Variants in DCAF4 observed in about 807,000 individuals in gnomAD.
The protein encoded by DCAF4 is DDB1 and CUL4 associated factor 4.
DCAF4 carries 37 observed loss-of-function variants against 60.9 expected under a neutral mutation model. That is an observed-to-expected ratio of 0.61 (90% CI 0.47 to 0.80). DCAF4 has a LOEUF of 0.80. Among genes scored for constraint, DCAF4 ranks in the 30% least tolerant of loss-of-function variants. The pLI, the probability that DCAF4 is intolerant of heterozygous loss-of-function variation, is 0.00. For missense variants in DCAF4, 577 were observed against 650.0 expected, an observed-to-expected ratio of 0.89 and a Z score of 1.22; for synonymous variants, 243 against 254.8, an observed-to-expected ratio of 0.95 and a Z score of 0.44.
intron 1 of DCAF4, among the ~76,000 whole-genome samples, chr14:72,930,810 C>G (rs562656445): frequency 1.3e-5 from 2 of 152,184 alleles, no homozygotes; most frequent in African/African-American, 4.8e-5. Context: ...AGTAAGGATC[C>G]AAATTCATTC....
rs541871453 is a variant in DCAF4, at chr14:72,959,049, T to C, written c.*244T>C. On this transcript the variant is annotated 3_prime_UTR_variant, in exon 14 of 14. Coordinates refer to ENST00000358377, the MANE Select transcript of DCAF4 (RefSeq NM_015604.4). ...AAAAGGTACCTCTTTCCTTTTCTTA[T>C]TGAATTCTTAGAACTTAGTTAACCC... 7 of 1,204,182 alleles carry C rather than the reference T, an allele frequency of 5.8e-6. No homozygotes were observed. The highest frequency in any genetic ancestry group is 3.8e-5 in the South Asian group (1 of 26,032). 74.6% of individuals were successfully genotyped at this position (1,204,182 alleles called of 1,614,324 possible).
At position 72,953,732 on chromosome 14, in the gene DCAF4, AATATATAT is replaced by A. The variant is rs71109769; in HGVS notation, c.809-408_809-401del. Among the ~76,000 whole-genome samples, 19 of 21,766 alleles carry A rather than the reference AATATATAT, an allele frequency of 8.7e-4. 4 individuals carry two copies. In the East Asian group the frequency reaches 0.012, roughly 13 times the overall value. The allele number at this position is 21,766 out of a possible 152,430, so 14.3% of individuals were successfully genotyped here. A position where few individuals can be genotyped will look rare whatever the true frequency, so the allele number is the denominator to read the frequency against. On this transcript the variant is annotated intron_variant, in intron 9 of 13. Coordinates refer to ENST00000358377, the MANE Select transcript of DCAF4 (RefSeq NM_015604.4). ...CTTAAAAAAAAAAAAAAAAAAAAAA[AATATATAT>A]ATATATATATATATATATATATAGT...
chr14:72,933,155 G>A (rs191107950), intron 1 of DCAF4, among the ~76,000 whole-genome samples: 3 of 152,236 alleles, frequency 2.0e-5, no homozygotes, highest in Non-Finnish European at 2.9e-5. Flanking sequence ...TCCTTCTCCC[G>A]AGCTGTGACA....
At chr14:72,946,930 A>G (rs1427841607) in intron 7 of DCAF4, among the ~76,000 whole-genome samples, 4 of 152,182 alleles carry the variant, frequency 2.6e-5, no homozygotes, top group African/African-American at 9.7e-5. Flanking sequence ...CAGATAGACC[A>G]GATGTCTCCC....
In DCAF4 at chr14:72,959,406, G is replaced by A. The variant is rs1333949809; in HGVS notation, c.*601G>A. 3 of 985,324 alleles carry A rather than the reference G, an allele frequency of 3.0e-6. No homozygotes were observed. The highest frequency in any genetic ancestry group is 3.6e-6 in the Non-Finnish European group (3 of 829,964). 61.0% of individuals were successfully genotyped at this position (985,324 alleles called of 1,614,324 possible). A position where few individuals can be genotyped will look rare whatever the true frequency, so the allele number is the denominator to read the frequency against. ...TCCAAAGGCGTTGGAAGGAAAGATG[G>A]ATCTTCTTACATGCTAGAAGTTTTA... On this transcript the variant is annotated 3_prime_UTR_variant, in exon 14 of 14. Transcript: ENST00000358377.
intron 7 of DCAF4, 25 bp from the exon 8 acceptor site, chr14:72,947,117 A>G: frequency 1.2e-6 from 2 of 1,614,082 alleles, no homozygotes; most frequent in Non-Finnish European, 1.7e-6. Context: ...ATAACTTTCC[A>G]TCTCGCTGTG....
At chr14:72,940,538 A>G (rs1419315141) in intron 4 of DCAF4, 161 bp downstream of exon 4, 8 of 639,458 alleles carry the variant, frequency 1.3e-5, no homozygotes, top group Non-Finnish European at 2.0e-5. Flanking sequence ...AGACAAGAAT[A>G]AGAACAGCCA....
At chr14:72,937,182 T>C (rs1889385317) in intron 1 of DCAF4, among the ~76,000 whole-genome samples, 1 of 143,302 alleles carries the variant, frequency 7.0e-6, no homozygotes, top group Admixed American at 6.9e-5. Flanking sequence ...GGGCATGTTT[T>C]TAAAAGCTGA....
chr14:72,951,495 C>A (rs1891406424), intron 8 of DCAF4, among the ~76,000 whole-genome samples: 1 of 152,086 alleles, frequency 6.6e-6, no homozygotes, highest in South Asian at 2.1e-4. Flanking sequence ...CCTGTAATCC[C>A]AGCTACTCAG....
At chr14:72,940,187 T>G in intron 3 of DCAF4, 33 bp from the exon 4 acceptor site, 2 of 1,613,460 alleles carry the variant, frequency 1.2e-6, no homozygotes, top group Non-Finnish European at 1.7e-6. Context: ...TCACAGTGGT[T>G]GAAATTGGTG....
intron 8 of DCAF4, among the ~76,000 whole-genome samples, chr14:72,950,027 GAGAAAGCTTGGT>G (rs1430501271): frequency 2.0e-5 from 3 of 152,196 alleles, no homozygotes; most frequent in African/African-American, 7.2e-5. Flanking sequence ...GAGGAGTTGG[GAGAAAGCTTGGT>G]ATGTTTGGCA....
chr14:72,933,389 T>C (rs1386857596), intron 1 of DCAF4, among the ~76,000 whole-genome samples: 1 of 152,088 alleles, frequency 6.6e-6, no homozygotes, highest in Non-Finnish European at 1.5e-5. Flanking sequence ...TGAAACCACA[T>C]CTCTACTAAA....
Position 72,930,877 on chromosome 14 carries a change from T to C in DCAF4, c.-9+4334T>C, listed in dbSNP as rs547985280. On this transcript the variant is annotated intron_variant, in intron 1 of 13. Coordinates refer to ENST00000358377, the MANE Select transcript of DCAF4 (RefSeq NM_015604.4). The stretch of plus-strand genomic sequence containing the variant: ...GTTGAAAAGACACTTCTTTCTTTCA[T>C]TGAATGGTCTTGGCACCTAGATGAA... Among the ~76,000 whole-genome samples, 4 of 152,334 alleles carry C rather than the reference T, an allele frequency of 2.6e-5. No homozygotes were observed. The South Asian group carries it at 8.3e-4, about 32-fold the overall frequency.
chr14:72,958,858 G>C lies in DCAF4; in HGVS notation c.*53G>C. 6.6e-7 allele frequency: 1 copy of C among 1,510,310 alleles called. No individual in the cohort carries two copies. Among genetic ancestry groups the C allele is most frequent in the South Asian group, 1.3e-5 (1 of 74,646 alleles). 93.6% of individuals were successfully genotyped at this position (1,510,310 alleles called of 1,614,324 possible). On this transcript the variant is annotated 3_prime_UTR_variant, in exon 14 of 14. Transcript: ENST00000358377. ...TGGATTTGACTTACGGGAGTAAAGC[G>C]TAACTTTTTACTGCATCTAATGAGG...
At chr14:72,941,297 C>T (rs1386179084) in intron 4 of DCAF4, among the ~76,000 whole-genome samples, 1 of 152,192 alleles carries the variant, frequency 6.6e-6, no homozygotes, top group Admixed American at 6.5e-5. Flanking sequence ...GACCAGGATG[C>T]ATGGTTTGGA....
intron 1 of DCAF4, among the ~76,000 whole-genome samples, chr14:72,933,357 G>A (rs1008029163): frequency 6.6e-6 from 1 of 152,094 alleles, no homozygotes; most frequent in Admixed American, 6.6e-5. Context: ...TCAGGAGTTC[G>A]AGACCAGCCT....
chr14:72,947,758 G>C (rs558044314), intron 8 of DCAF4, among the ~76,000 whole-genome samples: 1 of 152,298 alleles, frequency 6.6e-6, no homozygotes, highest in East Asian at 1.9e-4. Context: ...ACATGGGTCT[G>C]TGGGCTCTGG....
chr14:72,934,333 T>C (rs1888976983), intron 1 of DCAF4, among the ~76,000 whole-genome samples: 2 of 152,224 alleles, frequency 1.3e-5, no homozygotes, highest in South Asian at 4.2e-4. Context: ...TTTGTATTTT[T>C]AGTAGAGACG....
At position 72,943,105 on chromosome 14, in the gene DCAF4, G is replaced by A; in HGVS notation, c.534+9G>A. On this transcript the variant is annotated intron_variant, in intron 6 of 13. Transcript: ENST00000358377. ...GATTTAACCTCATACTGGTGAGTGGGAGGGGGACACCTGCCTAGGGTGTGG... is the reference window on the plus strand; with the variant it reads ...GATTTAACCTCATACTGGTGAGTGGAAGGGGGACACCTGCCTAGGGTGTGG... The A allele has an allele frequency of 6.2e-7, 1 of 1,612,498 alleles. No homozygotes were observed. Among genetic ancestry groups the A allele is most frequent in the Non-Finnish European group, 8.5e-7 (1 of 1,178,498 alleles).
Sources: gnomAD v4.1 joint callset for allele counts (sites outside exome capture counted in the v4.1 genomes callset) on GRCh38, gnomAD v4.1.1 for gene constraint, MANE v1.5 for transcripts, NCBI Gene and HGNC (gene_info 2026-07-23, HGNC 2026-07-21) for gene names.